HRH2: variants seen among roughly 807,000 people sequenced by gnomAD.
HRH2 encodes the protein histamine H2 receptor.
A neutral mutation model predicts 20.1 loss-of-function variants in HRH2; 4 were observed. The observed-to-expected ratio is 0.20, with a 90% CI of 0.10 to 0.45. The LOEUF (loss-of-function observed/expected upper bound fraction) is 0.45. Among genes scored for constraint, HRH2 ranks in the 20% least tolerant of loss-of-function variants. The probability of loss-of-function intolerance (pLI) is 0.99; values close to 1 mark genes in which losing one functional copy is unlikely to be tolerated. For synonymous variants in HRH2, 197 were observed against 200.7 expected, an observed-to-expected ratio of 0.98 and a Z score of 0.16; for missense variants, 250 against 461.6, an observed-to-expected ratio of 0.54 and a Z score of 4.20.
At chr5:175,679,605 GC>G (rs1249722893) in intron 1 of HRH2, among the ~76,000 whole-genome samples, 1 of 152,234 alleles carries the variant, frequency 6.6e-6, no homozygotes, top group Non-Finnish European at 1.5e-5. Flanking sequence ...GGTACAAAGT[GC>G]AGAGAGATTA....
intron 1 of HRH2, among the ~76,000 whole-genome samples, chr5:175,667,017 C>CATATATATATATATATATAT (rs143167989): frequency 2.7e-5 from 4 of 150,298 alleles, no homozygotes; most frequent in African/African-American, 9.8e-5. Flanking sequence ...CAAATAAAGG[C>CATATATATATATATATATAT]ATATATATAT....
intron 2 of HRH2, among the ~76,000 whole-genome samples, chr5:175,701,134 C>T (rs1756776540): frequency 6.6e-6 from 1 of 152,174 alleles, no homozygotes; most frequent in Non-Finnish European, 1.5e-5. Context: ...TTATTATTAA[C>T]TCATTTCACA....
At chr5:175,669,644 G>A (rs186359947) in intron 1 of HRH2, among the ~76,000 whole-genome samples, 64 of 152,282 alleles carry the variant, frequency 4.2e-4, no homozygotes, top group South Asian at 1.9e-3. Flanking sequence ...GATTACAGAC[G>A]TGGGCCACGG....
intron 2 of HRH2, among the ~76,000 whole-genome samples, chr5:175,706,129 C>T (rs534282478): frequency 5.1e-4 from 77 of 152,208 alleles, no homozygotes; most frequent in African/African-American, 1.7e-3. Context: ...TAGAACAACA[C>T]GATAGATTGT....
chr5:175,668,130 G>A (rs530693158), intron 1 of HRH2, among the ~76,000 whole-genome samples: 3 of 152,312 alleles, frequency 2.0e-5, no homozygotes, highest in Non-Finnish European at 4.4e-5. Context: ...GTGGGGATGA[G>A]GTTCTGGAAG....
intron 1 of HRH2, among the ~76,000 whole-genome samples, chr5:175,664,979 T>C (rs1030024299): frequency 3.3e-5 from 5 of 152,214 alleles, no homozygotes; most frequent in Non-Finnish European, 5.9e-5. Flanking sequence ...GCGATCCGGT[T>C]TGCATTTTCT....
Position 175,661,788 on chromosome 5 carries a change from G to A in HRH2, c.-526+3633G>A, listed in dbSNP as rs188367697. Among the ~76,000 whole-genome samples, 220 of 152,308 alleles carry A rather than the reference G, an allele frequency of 1.4e-3. 1 individual carries two copies. Among genetic ancestry groups the A allele is most frequent in the African/African-American group, 5.0e-3 (209 of 41,562 alleles). On this transcript the variant is annotated intron_variant, in intron 1 of 2. Coordinates refer to ENST00000636584, the MANE Select transcript of HRH2 (RefSeq NM_001367711.1). ...TGTAATCCCAGCACTTTAGGAGGCC[G>A]AGGCGGGAGGATCACAAGGTGAGGA...
At chr5:175,670,007 G>A (rs901732524) in intron 1 of HRH2, among the ~76,000 whole-genome samples, 2 of 152,146 alleles carry the variant, frequency 1.3e-5, no homozygotes, top group Non-Finnish European at 2.9e-5. Context: ...GCCCCCTCGG[G>A]GTGACAAACT....
chr5:175,700,561 G>T (rs951600738), intron 2 of HRH2, among the ~76,000 whole-genome samples: 2 of 152,126 alleles, frequency 1.3e-5, no homozygotes, highest in African/African-American at 4.8e-5. Context: ...AGAGACAGCT[G>T]CCCAGAGGAG....
intron 1 of HRH2, among the ~76,000 whole-genome samples, chr5:175,672,869 G>A (rs1755602209): frequency 6.6e-6 from 1 of 152,226 alleles, no homozygotes; most frequent in Admixed American, 6.5e-5. Flanking sequence ...GAGCTGATGT[G>A]TGTACTGAGA....
At chr5:175,680,030 G>A (rs1267021496) in intron 1 of HRH2, among the ~76,000 whole-genome samples, 1 of 152,204 alleles carries the variant, frequency 6.6e-6, no homozygotes, top group Non-Finnish European at 1.5e-5. Flanking sequence ...TGAGGATTCA[G>A]TGATATTTTG....
At position 175,709,177 on chromosome 5, in the gene HRH2, G is replaced by A. The variant is rs1204306861; in HGVS notation, c.*1206G>A. 1 of 152,132 alleles carries A rather than the reference G, an allele frequency of 6.6e-6. No individual in the cohort carries two copies. The highest frequency in any genetic ancestry group is 2.4e-5 in the African/African-American group (1 of 41,350). The allele number at this position is 152,132 out of a possible 1,614,324, so 9.4% of individuals were successfully genotyped here. ...TGGCCCCTGACACTCAATCTTCCTT[G>A]GTTTCCAAGATGCTTCATGATCTTC... On this transcript the variant is annotated 3_prime_UTR_variant, in exon 3 of 3. Coordinates refer to ENST00000636584, the MANE Select transcript of HRH2 (RefSeq NM_001367711.1).
intron 2 of HRH2, among the ~76,000 whole-genome samples, chr5:175,704,205 A>G (rs1234357973): frequency 6.6e-6 from 1 of 152,166 alleles, no homozygotes; most frequent in African/African-American, 2.4e-5. Flanking sequence ...AGCTAATCAG[A>G]AACATGAACA....
rs542140919 is a variant in HRH2 at position 175,695,223 on chromosome 5, C to T, written c.1076+10914C>T. 2.8e-4 allele frequency among the ~76,000 whole-genome samples: 42 copies of T among 152,212 alleles called. No individual in the cohort carries two copies. In the South Asian group the frequency reaches 8.5e-3, roughly 31 times the overall value. On this transcript the variant is annotated intron_variant, in intron 2 of 2. Coordinates refer to ENST00000636584, the MANE Select transcript of HRH2 (RefSeq NM_001367711.1). ...CTGCTGACCATCGCCGCCCTGGTAA[C>T]GGTTGAGGCTGGTAGAGTCAGACTT...
intron 1 of HRH2, among the ~76,000 whole-genome samples, chr5:175,667,496 A>T (rs1370808105): frequency 1.4e-5 from 2 of 145,614 alleles, no homozygotes; most frequent in African/African-American, 5.1e-5. Context: ...ATGTGCAAAG[A>T]AGACAAAATA....
chr5:175,659,110 G>A (rs1008162231), intron 1 of HRH2, among the ~76,000 whole-genome samples: 1 of 152,114 alleles, frequency 6.6e-6, no homozygotes, highest in African/African-American at 2.4e-5. Context: ...TGGCCGGGCT[G>A]GGCATGAAGC....
rs894260441 is a variant in HRH2 at position 175,708,299 on chromosome 5, T to A, written c.*328T>A. On this transcript the variant is annotated 3_prime_UTR_variant, in exon 3 of 3. Transcript: ENST00000636584. ...ATGCGTGCACATGTGTGTGCATGGG[T>A]GCATACGTGTAGGGACGTGCATGAC... is the stretch of plus-strand genomic sequence containing the variant. The A allele has an allele frequency of 4.3e-6, 1 of 234,096 alleles. No individual in the cohort carries two copies. Among genetic ancestry groups the A allele is most frequent in the African/African-American group, 2.2e-5 (1 of 44,504 alleles). 14.5% of individuals were successfully genotyped at this position (234,096 alleles called of 1,614,324 possible).
chr5:175,662,574 C>T (rs1269854960), intron 1 of HRH2, among the ~76,000 whole-genome samples: 1 of 152,178 alleles, frequency 6.6e-6, no homozygotes, highest in South Asian at 2.1e-4. Context: ...TGAGGTTGCT[C>T]TATTGGCCAC....
intron 1 of HRH2, among the ~76,000 whole-genome samples, chr5:175,664,548 G>C (rs1387114791): frequency 6.6e-6 from 1 of 152,170 alleles, no homozygotes; most frequent in African/African-American, 2.4e-5. Flanking sequence ...GAGACCCCAG[G>C]GCAGTGGGGG....
Sources: gnomAD v4.1 joint callset for allele counts (sites outside exome capture counted in the v4.1 genomes callset) on GRCh38, gnomAD v4.1.1 for gene constraint, MANE v1.5 for transcripts, NCBI Gene and HGNC (gene_info 2026-07-23, HGNC 2026-07-21) for gene names.